HPSE2: variants seen among roughly 807,000 people sequenced by gnomAD.
The protein encoded by HPSE2 is inactive heparanase-2.
Under a neutral mutation model 60.5 loss-of-function variants are expected in HPSE2, and 38 were observed. The observed-to-expected ratio is 0.63, with a 90% CI of 0.48 to 0.82. The LOEUF is 0.82. HPSE2 is among the 40% of genes least tolerant of loss of function. HPSE2 has a pLI of 0.00. For synonymous variants in HPSE2, 295 were observed against 293.2 expected (o/e 1.01, Z -0.06); for missense variants, 713 against 740.4 (o/e 0.96, Z 0.43).
intron 4 of HPSE2, among the ~76,000 whole-genome samples, chr10:98,730,029 C>T (rs890035720): frequency 3.3e-5 from 5 of 151,932 alleles, no homozygotes; most frequent in Non-Finnish European, 7.4e-5. Flanking sequence ...TTCCACCCAA[C>T]AACAGCAGGA....
At chr10:99,247,912 C>G in the HPSE2 span, among the ~76,000 whole-genome samples, 2 of 152,196 alleles carry the variant, frequency 1.3e-5, no homozygotes, top group Non-Finnish European at 2.9e-5. Context: ...CCATGTAAGA[C>G]ATGCCTACTT....
At position 99,186,127 on chromosome 10, in the gene HPSE2, C is replaced by CACACACACACACACACAT. The variant is rs1554912874; in HGVS notation, c.449-41729_449-41728insATGTGTGTGTGTGTGTGT. 1.4e-3 allele frequency among the ~76,000 whole-genome samples: 213 copies of CACACACACACACACACAT among 147,554 alleles called. 4 individuals carry two copies. In the East Asian group the frequency reaches 0.018, roughly 12 times the overall value. On this transcript the variant is annotated intron_variant, in intron 2 of 11. Transcript: ENST00000370552. ...AACCACACACACACACACACACACA[C>CACACACACACACACACAT]ACACACACACACACACACACACACA...
At chr10:98,823,728 C>T (rs982528342) in intron 3 of HPSE2, among the ~76,000 whole-genome samples, 24 of 152,114 alleles carry the variant, frequency 1.6e-4, no homozygotes, top group Admixed American at 6.5e-4. Context: ...AATATAGCCT[C>T]AAAAATGCAT....
At chr10:98,895,800 T>C (rs913506197) in intron 3 of HPSE2, among the ~76,000 whole-genome samples, 3 of 150,282 alleles carry the variant, frequency 2.0e-5, no homozygotes, top group African/African-American at 4.9e-5. Context: ...ATGGATGAAA[T>C]TGGAAATCAT....
intron 3 of HPSE2, among the ~76,000 whole-genome samples, chr10:98,803,124 G>A (rs1477995662): frequency 6.6e-6 from 1 of 151,958 alleles, no homozygotes; most frequent in Non-Finnish European, 1.5e-5. Context: ...GTCTTCTTTT[G>A]AGAAGTGTTT....
At chr10:98,804,854 C>T (rs1951004680) in intron 3 of HPSE2, among the ~76,000 whole-genome samples, 1 of 152,052 alleles carries the variant, frequency 6.6e-6, no homozygotes, top group African/African-American at 2.4e-5. Flanking sequence ...CAGCACTGTT[C>T]ACAAAAGCCA....
intron 3 of HPSE2, among the ~76,000 whole-genome samples, chr10:98,821,982 C>T (rs1414961): frequency 0.049 from 7,529 of 152,188 alleles, 579 homozygotes; most frequent in African/African-American, 0.17. Flanking sequence ...TCATATTGAG[C>T]TGATAACAAT....
At chr10:98,690,613 G>T (rs1404523240) in intron 6 of HPSE2, among the ~76,000 whole-genome samples, 1 of 151,908 alleles carries the variant, frequency 6.6e-6, no homozygotes, top group East Asian at 1.9e-4. Context: ...ATGCAGTACT[G>T]TTCACTTCTT....
chr10:98,803,891 G>A (rs961814609), intron 3 of HPSE2, among the ~76,000 whole-genome samples: 3 of 151,946 alleles, frequency 2.0e-5, no homozygotes, highest in Non-Finnish European at 4.4e-5. Context: ...GGATGGCAGT[G>A]AATCTATAAA....
intron 3 of HPSE2, among the ~76,000 whole-genome samples, chr10:99,066,404 GA>G (rs1326195727): frequency 1.3e-5 from 2 of 151,734 alleles, no homozygotes; most frequent in African/African-American, 2.4e-5. Context: ...GAAAAGAGAG[GA>G]AAAAAAATAA....
At chr10:98,798,435 T>C (rs1461258615) in intron 3 of HPSE2, among the ~76,000 whole-genome samples, 1 of 152,172 alleles carries the variant, frequency 6.6e-6, no homozygotes, top group African/African-American at 2.4e-5. Flanking sequence ...CATAGCATAT[T>C]GTAACACTGT....
At chr10:98,709,540 G>C (rs932789577) in intron 5 of HPSE2, among the ~76,000 whole-genome samples, 2 of 152,180 alleles carry the variant, frequency 1.3e-5, no homozygotes, top group African/African-American at 4.8e-5. Context: ...GTGTAAGAGA[G>C]GGAAGAGGAC....
At chr10:98,529,093 C>T (rs554618452) in intron 9 of HPSE2, among the ~76,000 whole-genome samples, 37 of 152,264 alleles carry the variant, frequency 2.4e-4, no homozygotes, top group Non-Finnish European at 4.6e-4. Context: ...CAGACACACA[C>T]AAACTCTTAC....
chr10:99,050,276 T>C (rs921713426), intron 3 of HPSE2, among the ~76,000 whole-genome samples: 1 of 151,066 alleles, frequency 6.6e-6, no homozygotes, highest in Non-Finnish European at 1.5e-5. Flanking sequence ...GACTCAAGCC[T>C]AGACAAAAGA....
rs181634962 is a variant in HPSE2 at position 98,512,480 on chromosome 10, G to C, written c.1321-22284C>G. Among the ~76,000 whole-genome samples, 102 of 152,024 alleles carry C rather than the reference G, an allele frequency of 6.7e-4. 1 individual carries two copies. In the East Asian group the frequency reaches 0.011, roughly 17 times the overall value. ...GGTGCCTGTAGTCCCAGCTACTCGG[G>C]AGGCTGAGGTGGGAGAATGGCATGA... On this transcript the variant is annotated intron_variant, in intron 9 of 11. Transcript: ENST00000370552.
chr10:98,493,914 G>T (rs1480103342), intron 9 of HPSE2, among the ~76,000 whole-genome samples: 2 of 152,072 alleles, frequency 1.3e-5, no homozygotes, highest in Non-Finnish European at 2.9e-5. Context: ...TTAGTGAAAT[G>T]TTTAAATTCC....
chr10:98,767,941 G>A (rs917646244), intron 3 of HPSE2, among the ~76,000 whole-genome samples: 2 of 147,570 alleles, frequency 1.4e-5, no homozygotes, highest in Non-Finnish European at 3.0e-5. Context: ...TTTATATATG[G>A]CATAGTAATA....
At chr10:98,998,552 A>G (rs1013294137) in intron 3 of HPSE2, among the ~76,000 whole-genome samples, 1 of 152,214 alleles carries the variant, frequency 6.6e-6, no homozygotes, top group African/African-American at 2.4e-5. Context: ...CTGGAAACGT[A>G]GGTTCTCCTT....
At chr10:99,041,162 T>G (rs2135475186) in intron 3 of HPSE2, among the ~76,000 whole-genome samples, 1 of 152,168 alleles carries the variant, frequency 6.6e-6, no homozygotes, top group South Asian at 2.1e-4. Context: ...TATGTACTAA[T>G]TCCCAAAGGA....
Sources: gnomAD v4.1 joint callset for allele counts (sites outside exome capture counted in the v4.1 genomes callset) on GRCh38, gnomAD v4.1.1 for gene constraint, MANE v1.5 for transcripts, NCBI Gene and HGNC (gene_info 2026-07-23, HGNC 2026-07-21) for gene names.